SCD: variants seen among roughly 807,000 people sequenced by gnomAD.
SCD encodes the protein stearoyl-CoA desaturase.
SCD carries 4 observed loss-of-function variants against 35.7 expected under a neutral mutation model. The observed-to-expected ratio is 0.11, with a 90% CI of 0.06 to 0.26. The LOEUF (loss-of-function observed/expected upper bound fraction) is 0.26. Among genes scored for constraint, SCD ranks in the 10% least tolerant of loss-of-function variants. SCD has a pLI of 1.00. For synonymous variants in SCD, 150 were observed against 170.2 expected, an observed-to-expected ratio of 0.88 and a Z score of 0.92; for missense variants, 282 against 460.7, an observed-to-expected ratio of 0.61 and a Z score of 3.55.
chr10:100,358,253 G>A (rs1849949591), intron 5 of SCD, among the ~76,000 whole-genome samples: 1 of 151,962 alleles, frequency 6.6e-6, no homozygotes, highest in Non-Finnish European at 1.5e-5. Context: ...TTCCTGCCTT[G>A]GCCTCCCAAA....
At chr10:100,358,000 T>C (rs1284106850) in intron 5 of SCD, among the ~76,000 whole-genome samples, 2 of 152,158 alleles carry the variant, frequency 1.3e-5, no homozygotes, top group Non-Finnish European at 2.9e-5. Flanking sequence ...ACCATCTTTA[T>C]TATCTTTTAA....
chr10:100,348,434 C>G, intron 2 of SCD, 88 bp downstream of exon 2: 2 of 1,303,268 alleles, frequency 1.5e-6, no homozygotes, highest in Non-Finnish European at 2.1e-6. Flanking sequence ...GACACCAGCC[C>G]CTCCCAGCCT....
chr10:100,354,403 C>T, intron 3 of SCD, 24 bp from the exon 4 acceptor site: 1 of 1,602,750 alleles, frequency 6.2e-7, no homozygotes, highest in Non-Finnish European at 8.5e-7. Flanking sequence ...TCAAGCCTTA[C>T]ATTCCTCTTC....
chr10:100,351,259 T>TGCA (rs1460388447), intron 2 of SCD, among the ~76,000 whole-genome samples: 1 of 152,154 alleles, frequency 6.6e-6, no homozygotes, highest in Non-Finnish European at 1.5e-5. Context: ...CTCCTGAGCC[T>TGCA]GCAGGCCTCC....
chr10:100,355,009 C>A (rs1180170420), intron 4 of SCD, among the ~76,000 whole-genome samples: 1 of 152,186 alleles, frequency 6.6e-6, no homozygotes, highest in Non-Finnish European at 1.5e-5. Flanking sequence ...TGGCTCACTG[C>A]AGCCTTGACT....
At position 100,351,350 on chromosome 10, in the gene SCD, C is replaced by T. The variant is rs368535169; in HGVS notation, c.311-1016C>T. Among the ~76,000 whole-genome samples the T allele has an allele frequency of 1.0e-4, 15 of 148,980 alleles. No individual in the cohort carries two copies. In the East Asian group the frequency reaches 1.6e-3, roughly 16 times the overall value. ...CCACCATTGTCTAGAGAGCGTTGCC[C>T]GGTGAGAGTATGGGCTGACAGGGAT... On this transcript the variant is annotated intron_variant, in intron 2 of 5. Coordinates refer to ENST00000370355, the MANE Select transcript of SCD (RefSeq NM_005063.5).
At chr10:100,358,296 G>A (rs1311983011) in intron 5 of SCD, among the ~76,000 whole-genome samples, 4 of 152,122 alleles carry the variant, frequency 2.6e-5, no homozygotes, top group African/African-American at 4.8e-5. Context: ...GAGCCACTGC[G>A]CCTGGCCTAC....
chr10:100,347,404 C>A lies in SCD; in HGVS notation c.-101C>A. On this transcript the variant is annotated 5_prime_UTR_variant, in exon 1 of 6. Transcript: ENST00000370355. The stretch of plus-strand genomic sequence containing the variant: ...TAGCGTGCAAGGCGCCGCGGCTCAG[C>A]GCGTACCGGCGGGCTTCGAAACCGC... 7.6e-7 allele frequency: 1 copy of A among 1,321,856 alleles called. No homozygotes were observed. The highest frequency in any genetic ancestry group is 1.1e-6 in the Non-Finnish European group (1 of 930,440). 81.9% of individuals were successfully genotyped at this position (1,321,856 alleles called of 1,614,324 possible).
intron 5 of SCD, among the ~76,000 whole-genome samples, chr10:100,359,679 T>G (rs1046331359): frequency 6.6e-6 from 1 of 152,194 alleles, no homozygotes; most frequent in Non-Finnish European, 1.5e-5. Flanking sequence ...AGGACTTCCT[T>G]GCCTTGCTTC....
At chr10:100,354,385 G>C (rs781473925) in intron 3 of SCD, 42 bp from the exon 4 acceptor site, 2 of 1,547,066 alleles carry the variant, frequency 1.3e-6, no homozygotes, top group South Asian at 2.2e-5. Flanking sequence ...CTAATAGGGT[G>C]TCTATCCTCA....
chr10:100,358,523 C>T (rs1849953419), intron 5 of SCD, among the ~76,000 whole-genome samples: 2 of 142,634 alleles, frequency 1.4e-5, no homozygotes, highest in South Asian at 4.4e-4. Flanking sequence ...ACCCGGGAAG[C>T]GGAGCTTGCA....
rs200034646 is a variant in SCD at position 100,356,725 on chromosome 10, A to G, written c.841A>G (p.Ser281Gly). 1.2e-6 allele frequency: 2 copies of G among 1,614,260 alleles called. No individual in the cohort carries two copies. The highest frequency in any genetic ancestry group is 1.7e-6 in the Non-Finnish European group (2 of 1,180,046). The change falls in exon 5 of 6, where the codon AGC becomes GGC. Residue 281 changes from serine (S) to glycine (G), a missense_variant. This residue lies in a region of SCD where 205 missense variants were observed against 372.3 expected (regional missense o/e 0.55). Transcript: ENST00000370355. The surrounding 1 kb of genome is among the most constrained non-coding windows in gnomAD (Gnocchi z 4.1). The stretch of plus-strand genomic sequence containing the variant: ...ATATCGTCCTTATGACAAGAACATT[A>G]GCCCCCGGGAGAATATCCTGGTTTC... The part of the protein sequence containing the change: ...FGYRPYDKNI[S>G]PRENILVSLG...
chr10:100,354,233 C>CT (rs1198233156), intron 3 of SCD, among the ~76,000 whole-genome samples, 194 bp from the exon 4 acceptor site: 1 of 152,216 alleles, frequency 6.6e-6, no homozygotes, highest in African/African-American at 2.4e-5. Context: ...CTTTAAGTTG[C>CT]TTTTTTCTAC....
intron 1 of SCD, 41 bp downstream of exon 1, chr10:100,347,572 C>G (rs771692395): frequency 6.2e-7 from 1 of 1,611,996 alleles, no homozygotes; most frequent in Non-Finnish European, 8.5e-7. Flanking sequence ...GGGTCGCAGG[C>G]GCGGGCTGGG....
At chr10:100,359,834 C>T (rs1038007078) in intron 5 of SCD, among the ~76,000 whole-genome samples, 2 of 152,198 alleles carry the variant, frequency 1.3e-5, no homozygotes, top group East Asian at 1.9e-4. Context: ...TCCTGCCAAG[C>T]GTTGGCAAAC....
In SCD at chr10:100,360,859, C is replaced by G; in HGVS notation, c.1006C>G (p.Arg336Gly). Residue 336 changes from arginine to glycine, a missense_variant, in exon 6 of 6, where the codon CGG (arginine) becomes GGG (glycine). By Grantham distance (125) the Arg-to-Gly change is moderately radical (BLOSUM62 -2). Coordinates refer to ENST00000370355, the MANE Select transcript of SCD (RefSeq NM_005063.5). ...CMAALGLAYD[R>G]KKVSKAAILA... ...GGCCGCCCTCGGTCTGGCCTATGAC[C>G]GGAAGAAAGTCTCCAAGGCCGCCAT... 5.0e-6 allele frequency: 8 copies of G among 1,613,964 alleles called. No individual in the cohort carries two copies. The highest frequency in any genetic ancestry group is 5.9e-6 in the Non-Finnish European group (7 of 1,179,874).
chr10:100,358,949 A>ATT (rs539320374), intron 5 of SCD, among the ~76,000 whole-genome samples: 4 of 151,520 alleles, frequency 2.6e-5, no homozygotes, highest in Non-Finnish European at 5.9e-5. Flanking sequence ...AAATAAAAGC[A>ATT]TTTTTTTTCT....
rs891039216 is a variant in SCD at position 100,352,838 on chromosome 10, C to A, written c.441+342C>A. ...CAGAGACTGACCTTAGATTCCTGGG[C>A]AGACACTGGACAATAAATTCACTAT... On this transcript the variant is annotated intron_variant, in intron 3 of 5. Coordinates refer to ENST00000370355, the MANE Select transcript of SCD (RefSeq NM_005063.5). This position sits in a 1 kb window ranked among gnomAD's most constrained non-coding sequence, Gnocchi z 4.2. 6.6e-6 allele frequency among the ~76,000 whole-genome samples: 1 copy of A among 152,170 alleles called. No individual in the cohort carries two copies. Among genetic ancestry groups the A allele is most frequent in the African/African-American group, 2.4e-5 (1 of 41,424 alleles).
Position 100,360,876 on chromosome 10 carries a change from G to A in SCD, c.1023G>A (p.Lys341=). The change falls in exon 6 of 6, where the codon AAG becomes AAA. Residue 341 remains lysine, a synonymous_variant. Coordinates refer to ENST00000370355, the MANE Select transcript of SCD (RefSeq NM_005063.5). The part of the protein sequence containing the change: ...GLAYDRKKVS[K]AAILARIKRT... Reference sequence around the variant, plus strand: ...CCTATGACCGGAAGAAAGTCTCCAAGGCCGCCATCTTGGCCAGGATTAAAA... The same window carrying A: ...CCTATGACCGGAAGAAAGTCTCCAAAGCCGCCATCTTGGCCAGGATTAAAA... 6.2e-7 allele frequency: 1 copy of A among 1,613,948 alleles called. No homozygotes were observed. The highest frequency in any genetic ancestry group is 8.5e-7 in the Non-Finnish European group (1 of 1,179,876).
Sources: allele counts gnomAD v4.1 joint callset (sites outside exome capture counted in the v4.1 genomes callset), GRCh38; gene constraint gnomAD v4.1.1; regional missense constraint gnomAD v4.1.1; non-coding constraint Gnocchi (gnomAD v3.1); transcripts MANE v1.5; gene names NCBI Gene and HGNC (gene_info 2026-07-23, HGNC 2026-07-21).